The following PHLPP1 variants were observed in gnomAD, a reference collection of about 807,000 sequenced individuals.
PHLPP1 encodes PH domain leucine-rich repeat-containing protein phosphatase 1.
Under a neutral mutation model 117.2 loss-of-function variants are expected in PHLPP1, and 42 were observed. The observed-to-expected ratio is 0.36, with a 90% CI of 0.28 to 0.46. The LOEUF is 0.46. PHLPP1 is among the 20% of genes least tolerant of loss of function. PHLPP1 has a pLI of 1.00. For synonymous variants in PHLPP1, 1,042 were observed against 970.7 expected, an observed-to-expected ratio of 1.07 and a Z score of -1.37; for missense variants, 2,084 against 2,241.9, an observed-to-expected ratio of 0.93 and a Z score of 1.42.
chr18:62,760,569 G>A (rs1191618839), intron 1 of PHLPP1, among the ~76,000 whole-genome samples: 2 of 152,196 alleles, frequency 1.3e-5, no homozygotes, highest in African/African-American at 4.8e-5. Context: ...CAAAGCTTCC[G>A]ATTCCTCCTG....
chr18:62,748,330 A>G (rs1038927304), intron 1 of PHLPP1, among the ~76,000 whole-genome samples: 2 of 150,190 alleles, frequency 1.3e-5, no homozygotes, highest in African/African-American at 4.9e-5. Flanking sequence ...CTGCAGCCTC[A>G]GCCTCCTGGG....
chr18:62,948,509 T>G (rs552772050), intron 12 of PHLPP1, among the ~76,000 whole-genome samples: 24 of 152,318 alleles, frequency 1.6e-4, no homozygotes, highest in South Asian at 2.1e-4. Context: ...TTACAACTCC[T>G]TTTCAATTTT....
At chr18:62,856,414 G>A (rs1359358500) in intron 3 of PHLPP1, among the ~76,000 whole-genome samples, 6 of 152,064 alleles carry the variant, frequency 3.9e-5, no homozygotes, top group Admixed American at 6.6e-5. Flanking sequence ...CAAGTCCCTC[G>A]GACATGCCAA....
chr18:62,969,456 A>T (rs1294026541), intron 14 of PHLPP1, among the ~76,000 whole-genome samples: 2 of 152,154 alleles, frequency 1.3e-5, no homozygotes, highest in African/African-American at 2.4e-5. Flanking sequence ...CTATCTTGGT[A>T]AAAGTTCTGT....
intron 1 of PHLPP1, among the ~76,000 whole-genome samples, chr18:62,753,728 A>G (rs1911927365): frequency 6.6e-6 from 1 of 152,180 alleles, no homozygotes; most frequent in African/African-American, 2.4e-5. Flanking sequence ...ACTATTGTTG[A>G]TGTACCTTCC....
chr18:62,901,571 T>C (rs898252441), intron 6 of PHLPP1, among the ~76,000 whole-genome samples: 1 of 152,142 alleles, frequency 6.6e-6, no homozygotes, highest in Non-Finnish European at 1.5e-5. Context: ...AGAAATTCAC[T>C]ATAGAGAAAC....
intron 4 of PHLPP1, among the ~76,000 whole-genome samples, chr18:62,865,953 A>G (rs1256836772): frequency 6.6e-6 from 1 of 152,198 alleles, no homozygotes; most frequent in Non-Finnish European, 1.5e-5. Context: ...TACCTGGGTG[A>G]TGAAATATAT....
intron 4 of PHLPP1, among the ~76,000 whole-genome samples, chr18:62,891,850 ACCACTGCATTCCAG>A: frequency 7.1e-6 from 1 of 141,038 alleles, no homozygotes; most frequent in South Asian, 2.3e-4. Flanking sequence ...CCATGATCCC[ACCACTGCATTCCAG>A]CCTTGTCGAT....
At chr18:62,940,849 A>G (rs1381162607) in intron 10 of PHLPP1, among the ~76,000 whole-genome samples, 1 of 152,204 alleles carries the variant, frequency 6.6e-6, no homozygotes, top group Non-Finnish European at 1.5e-5. Context: ...GGACTAAGAA[A>G]CAGAACATTA....
chr18:62,879,043 A>G (rs1916111015), intron 4 of PHLPP1, among the ~76,000 whole-genome samples: 1 of 152,202 alleles, frequency 6.6e-6, no homozygotes, highest in African/African-American at 2.4e-5. Flanking sequence ...GTGTTTCACA[A>G]AATGATTCAT....
Position 62,716,770 on chromosome 18 carries a change from T to C in PHLPP1, c.1087T>C (p.Leu363=). 1.3e-6 allele frequency: 2 copies of C among 1,524,206 alleles called. No individual in the cohort carries two copies. Among genetic ancestry groups the C allele is most frequent in the Non-Finnish European group, 1.8e-6 (2 of 1,141,542 alleles). The allele number at this position is 1,524,206 out of a possible 1,614,324, so 94.4% of individuals were successfully genotyped here. ...CAGCGCCGAGAGCGTGTCTGACCGG[T>C]TGGACCCCTACAGCAGCGGCGGCGG... ...SPSAESVSDR[L]DPYSSGGGSS... Residue 363 remains leucine (L), a synonymous_variant, in exon 1 of 17, where the codon TTG becomes CTG. Coordinates refer to ENST00000262719, the MANE Select transcript of PHLPP1 (RefSeq NM_194449.4). The surrounding 1 kb of genome is among the most constrained non-coding windows in gnomAD (Gnocchi z 5.7).
intron 8 of PHLPP1, among the ~76,000 whole-genome samples, chr18:62,912,781 G>C (rs1916993155): frequency 6.6e-6 from 1 of 152,032 alleles, no homozygotes; most frequent in Admixed American, 6.6e-5. Flanking sequence ...CACCATGCCT[G>C]GCTAATTTTC....
intron 1 of PHLPP1, among the ~76,000 whole-genome samples, chr18:62,741,240 G>GT (rs1911518628): frequency 6.6e-6 from 1 of 152,188 alleles, no homozygotes; most frequent in Non-Finnish European, 1.5e-5. Flanking sequence ...GAGTTCGGTT[G>GT]TTTTTTACTT....
chr18:62,725,296 G>A (rs1340842274), intron 1 of PHLPP1, among the ~76,000 whole-genome samples: 1 of 150,610 alleles, frequency 6.6e-6, no homozygotes, highest in East Asian at 1.9e-4. Flanking sequence ...GGAGGCAGAG[G>A]TTGCAGTGAG....
intron 3 of PHLPP1, among the ~76,000 whole-genome samples, chr18:62,858,231 C>T (rs184490823): frequency 9.9e-5 from 15 of 150,906 alleles, no homozygotes; most frequent in African/African-American, 1.7e-4. Flanking sequence ...ACAGTAGTTT[C>T]TCCTAAGCTC....
intron 10 of PHLPP1, among the ~76,000 whole-genome samples, chr18:62,920,538 T>C (rs1295768390): frequency 1.3e-5 from 2 of 152,108 alleles, no homozygotes; most frequent in African/African-American, 4.8e-5. Context: ...GTTGTTATTG[T>C]TTTTTGTTGT....
chr18:62,897,091 T>A (rs980119595), intron 6 of PHLPP1, among the ~76,000 whole-genome samples: 4 of 152,196 alleles, frequency 2.6e-5, no homozygotes, highest in African/African-American at 9.6e-5. Flanking sequence ...ATTCCAGAAT[T>A]TGAGCCCTAT....
chr18:62,953,623 C>T (rs1910527750), intron 12 of PHLPP1, among the ~76,000 whole-genome samples: 1 of 152,252 alleles, frequency 6.6e-6, no homozygotes, highest in Non-Finnish European at 1.5e-5. Context: ...CTGCCATCTC[C>T]ATATGTCCCT....
At chr18:62,746,798 G>A (rs138777622) in intron 1 of PHLPP1, among the ~76,000 whole-genome samples, 1 of 151,328 alleles carries the variant, frequency 6.6e-6, no homozygotes, top group African/African-American at 2.4e-5. Context: ...ATTATAAATG[G>A]TGTATTAAAA....
Sources: allele counts gnomAD v4.1 joint callset (sites outside exome capture counted in the v4.1 genomes callset), GRCh38; gene constraint gnomAD v4.1.1; non-coding constraint Gnocchi (gnomAD v3.1); transcripts MANE v1.5; gene names NCBI Gene and HGNC (gene_info 2026-07-23, HGNC 2026-07-21).